Variants in TBCK observed in about 807,000 individuals in gnomAD.
The protein encoded by TBCK is TBC domain-containing protein kinase-like protein.
Under a neutral mutation model 113.4 loss-of-function variants are expected in TBCK, and 99 were observed. That is an observed-to-expected ratio of 0.87 (90% confidence interval 0.74 to 1.03). TBCK has a LOEUF of 1.03. Among genes scored for constraint, TBCK ranks in the 50% least tolerant of loss-of-function variants. TBCK has a pLI of 0.00. For synonymous variants in TBCK, 369 were observed against 370.8 expected (o/e 1.00, Z 0.05); for missense variants, 1,045 against 1,061.3 (o/e 0.98, Z 0.21).
intron 15 of TBCK, among the ~76,000 whole-genome samples, chr4:106,234,357 T>C (rs1467623296): frequency 2.6e-5 from 4 of 152,124 alleles, no homozygotes; most frequent in African/African-American, 4.8e-5. Context: ...AACTCAAAGG[T>C]ATTTGTAGAC....
chr4:106,119,176 T>C (rs766794394), intron 23 of TBCK, among the ~76,000 whole-genome samples: 2 of 152,232 alleles, frequency 1.3e-5, no homozygotes, highest in African/African-American at 4.8e-5. Context: ...TGTGTGTCTA[T>C]ATCACATTTT....
intron 19 of TBCK, 43 bp downstream of exon 19, chr4:106,230,320 T>C: frequency 7.6e-7 from 1 of 1,307,834 alleles, no homozygotes. Flanking sequence ...CACCAGTACA[T>C]CAGTAGTTTC....
chr4:106,247,483 T>C, intron 9 of TBCK, 196 bp from the exon 10 acceptor site: 1 of 498,446 alleles, frequency 2.0e-6, no homozygotes, highest in Non-Finnish European at 3.4e-6. Flanking sequence ...CTGAATTTTT[T>C]TTACTTATGT....
intron 20 of TBCK, among the ~76,000 whole-genome samples, chr4:106,202,820 A>C (rs1755035566): frequency 6.6e-6 from 1 of 152,050 alleles, no homozygotes; most frequent in Non-Finnish European, 1.5e-5. Flanking sequence ...GGGCCTCACC[A>C]CACAATATTT....
intron 3 of TBCK, among the ~76,000 whole-genome samples, chr4:106,278,962 CA>C (rs1764306446): frequency 6.6e-6 from 1 of 152,018 alleles, no homozygotes; most frequent in South Asian, 2.1e-4. Flanking sequence ...AGCCTAATTC[CA>C]AGTGCTTATT....
intron 24 of TBCK, among the ~76,000 whole-genome samples, chr4:106,107,690 G>T (rs1742329417): frequency 6.6e-6 from 1 of 152,136 alleles, no homozygotes; most frequent in South Asian, 2.1e-4. Context: ...TTAGAAAGAT[G>T]TTAAATTAAC....
intron 25 of TBCK, among the ~76,000 whole-genome samples, chr4:106,068,661 C>A (rs977675901): frequency 1.3e-5 from 2 of 152,104 alleles, no homozygotes; most frequent in African/African-American, 4.8e-5. Context: ...TGGCTATATA[C>A]CCAGTAATGG....
At chr4:106,124,055 T>C (rs1483260215) in intron 23 of TBCK, among the ~76,000 whole-genome samples, 1 of 149,822 alleles carries the variant, frequency 6.7e-6, no homozygotes, top group African/African-American at 2.5e-5. Context: ...ACCATCAGAG[T>C]GAACAGGCAA....
chr4:106,316,356 C>CGG (rs538568279), upstream of TBCK: 215 of 580,236 alleles, frequency 3.7e-4, no homozygotes, highest in African/African-American at 1.0e-3. Context: ...TGCGGGGGGA[C>CGG]GGGGGGGGTC....
intron 23 of TBCK, among the ~76,000 whole-genome samples, chr4:106,155,664 G>C (rs1044315941): frequency 1.3e-5 from 2 of 151,818 alleles, no homozygotes; most frequent in African/African-American, 4.8e-5. Flanking sequence ...CATTCTATTA[G>C]AGGACTGTGA....
chr4:106,185,385 C>T (rs1054196590), intron 22 of TBCK, among the ~76,000 whole-genome samples: 1 of 151,978 alleles, frequency 6.6e-6, no homozygotes, highest in Non-Finnish European at 1.5e-5. Flanking sequence ...TTTAAGTGCA[C>T]ACCATATCAT....
intron 20 of TBCK, among the ~76,000 whole-genome samples, chr4:106,206,447 A>G (rs570855575): frequency 2.6e-5 from 4 of 152,300 alleles, no homozygotes; most frequent in African/African-American, 7.2e-5. Flanking sequence ...ATTTGTATTC[A>G]AAGGCCTTAA....
chr4:106,077,548 C>T (rs1033706082), intron 25 of TBCK, among the ~76,000 whole-genome samples: 1 of 152,066 alleles, frequency 6.6e-6, no homozygotes, highest in Non-Finnish European at 1.5e-5. Context: ...ATTAAAGCAA[C>T]AACAATCGAA....
chr4:106,309,300 CT>C, intron 1 of TBCK, among the ~76,000 whole-genome samples: 1 of 138,428 alleles, frequency 7.2e-6, no homozygotes, highest in Non-Finnish European at 1.5e-5. Context: ...TAATAAGGCT[CT>C]TCTCTTTTTT....
At chr4:106,120,416 C>A (rs576387647) in intron 23 of TBCK, among the ~76,000 whole-genome samples, 15 of 152,296 alleles carry the variant, frequency 9.8e-5, no homozygotes, top group Non-Finnish European at 2.1e-4. Flanking sequence ...CCCAGGCTTG[C>A]TTAGGTAAAC....
intron 2 of TBCK, among the ~76,000 whole-genome samples, chr4:106,297,547 T>A (rs1766438468): frequency 6.6e-6 from 1 of 152,200 alleles, no homozygotes; most frequent in South Asian, 2.1e-4. Context: ...TCACATTAAT[T>A]CCTATTTCTT....
chr4:106,093,996 T>C (rs1740626397), intron 25 of TBCK, among the ~76,000 whole-genome samples: 3 of 152,172 alleles, frequency 2.0e-5, no homozygotes, highest in Admixed American at 2.0e-4. Flanking sequence ...AGGTTGTGCA[T>C]GTGTGGGGTA....
Position 106,046,592 on chromosome 4 carries a change from G to A in TBCK, c.2660C>T (p.Thr887Ile), listed in dbSNP as rs564746642. 7.9e-4 allele frequency: 1,266 copies of A among 1,605,770 alleles called. 25 individuals carry two copies. In the South Asian group the frequency reaches 0.014, roughly 17 times the overall value. ...TCTTCATATTTGAGGAGATGGGATG[G>A]TGAGGAGGCCTGTTGGCTTTATTTT... ...INKIKPTGLL[T>I]IPSPQI The change falls in exon 26 of 26, where the codon ACC becomes ATC. Residue 887 changes from threonine (T) to isoleucine (I), a missense_variant. Thr to Ile is a moderately conservative substitution (Grantham distance 89). Coordinates refer to ENST00000394708, the MANE Select transcript of TBCK (RefSeq NM_001163435.3).
chr4:106,219,213 C>T (rs12513089), intron 19 of TBCK, among the ~76,000 whole-genome samples: 12 of 105,750 alleles, frequency 1.1e-4, no homozygotes, highest in Non-Finnish European at 1.7e-4. Context: ...CACTCTGGGG[C>T]CTGTTGTGGG....
Sources: allele counts gnomAD v4.1 joint callset (sites outside exome capture counted in the v4.1 genomes callset), GRCh38; gene constraint gnomAD v4.1.1; transcripts MANE v1.5; gene names NCBI Gene and HGNC (gene_info 2026-07-23, HGNC 2026-07-21).